Variants in MACROD2 observed in about 807,000 individuals in gnomAD.
MACROD2 encodes the protein ADP-ribose glycohydrolase MACROD2.
In MACROD2, 36 loss-of-function variants were observed where a neutral mutation model predicts 70.4. The ratio of observed to expected loss-of-function variants is 0.51; its 90% CI spans 0.39 to 0.68. The LOEUF is 0.68. Ranked by LOEUF, MACROD2 falls within the 30% of genes least tolerant of loss-of-function variation. The probability of loss-of-function intolerance (pLI) is 0.00; values close to 1 mark genes in which losing one functional copy is unlikely to be tolerated. For synonymous variants in MACROD2, 172 were observed against 178.8 expected (o/e 0.96, Z 0.30); for missense variants, 496 against 538.4 (o/e 0.92, Z 0.78).
At chr20:14,140,565 A>C (rs1361626945) in intron 3 of MACROD2, among the ~76,000 whole-genome samples, 1 of 152,168 alleles carries the variant, frequency 6.6e-6, no homozygotes, top group Non-Finnish European at 1.5e-5. Flanking sequence ...CTGTATTTTT[A>C]ATATACATAT....
chr20:14,802,066 T>C (rs1339617160), intron 5 of MACROD2, among the ~76,000 whole-genome samples: 1 of 151,986 alleles, frequency 6.6e-6, no homozygotes, highest in Non-Finnish European at 1.5e-5. Context: ...TTACAGAACT[T>C]GAGTGTGGCT....
chr20:15,994,438 A>G (rs1488735798), intron 15 of MACROD2, among the ~76,000 whole-genome samples: 1 of 152,212 alleles, frequency 6.6e-6, no homozygotes, highest in African/African-American at 2.4e-5. Flanking sequence ...GAACGTTTTC[A>G]TATATCACTC....
At chr20:15,521,803 A>C (rs2047656657) in intron 8 of MACROD2, among the ~76,000 whole-genome samples, 1 of 152,238 alleles carries the variant, frequency 6.6e-6, no homozygotes, top group African/African-American at 2.4e-5. Context: ...TTTTCAATTT[A>C]CAAATAGTGA....
intron 3 of MACROD2, among the ~76,000 whole-genome samples, chr20:14,489,079 T>C (rs527432251): frequency 7.9e-5 from 12 of 152,352 alleles, no homozygotes; most frequent in Admixed American, 5.2e-4. Context: ...ATCAGTCTTT[T>C]CTTCAAATTC....
intron 8 of MACROD2, among the ~76,000 whole-genome samples, chr20:15,501,805 T>A (rs1010691411): frequency 6.6e-6 from 1 of 152,340 alleles, no homozygotes; most frequent in East Asian, 1.9e-4. Flanking sequence ...AGGTCTTAGA[T>A]AAAAGCTAAA....
At chr20:14,447,379 A>C (rs1320434111) in intron 3 of MACROD2, among the ~76,000 whole-genome samples, 2 of 152,180 alleles carry the variant, frequency 1.3e-5, no homozygotes, top group East Asian at 3.8e-4. Flanking sequence ...AGTGTATTCA[A>C]AAGTCAGGTT....
chr20:14,723,496 T>A (rs1027270268), intron 5 of MACROD2, among the ~76,000 whole-genome samples: 12 of 150,982 alleles, frequency 7.9e-5, no homozygotes, highest in Non-Finnish European at 1.3e-4. Context: ...GATTTGGTAT[T>A]TTTTTTATCC....
At chr20:14,394,416 C>A (rs1447224683) in intron 3 of MACROD2, among the ~76,000 whole-genome samples, 1 of 152,180 alleles carries the variant, frequency 6.6e-6, no homozygotes, top group African/African-American at 2.4e-5. Flanking sequence ...CTGCTTGTTG[C>A]TAGCATGTAG....
At chr20:15,506,626 T>G (rs1429895303) in intron 8 of MACROD2, among the ~76,000 whole-genome samples, 2 of 152,250 alleles carry the variant, frequency 1.3e-5, no homozygotes, top group Non-Finnish European at 2.9e-5. Context: ...GTCTCTGACA[T>G]GAAACGCCTT....
intron 7 of MACROD2, among the ~76,000 whole-genome samples, chr20:15,483,299 A>G (rs959913508): frequency 1.3e-5 from 2 of 152,132 alleles, no homozygotes; most frequent in African/African-American, 4.8e-5. Context: ...GTTCCAGCCC[A>G]GTTTGTTGAA....
intron 3 of MACROD2, among the ~76,000 whole-genome samples, chr20:14,245,627 A>G (rs1466932417): frequency 6.6e-6 from 1 of 152,166 alleles, no homozygotes; most frequent in East Asian, 1.9e-4. Flanking sequence ...CATTTCAAAG[A>G]GCAGAATTAA....
chr20:14,800,263 A>G (rs1316408920), intron 5 of MACROD2, among the ~76,000 whole-genome samples: 1 of 152,104 alleles, frequency 6.6e-6, no homozygotes, highest in Non-Finnish European at 1.5e-5. Context: ...TCCAAAAGGA[A>G]TTCTATGTCT....
At chr20:15,606,537 G>A (rs2048895638) in intron 8 of MACROD2, among the ~76,000 whole-genome samples, 1 of 152,128 alleles carries the variant, frequency 6.6e-6, no homozygotes, top group Non-Finnish European at 1.5e-5. Flanking sequence ...ACATTAAATC[G>A]TATGGTATTT....
chr20:15,383,256 A>G (rs1388878727), intron 6 of MACROD2, among the ~76,000 whole-genome samples: 1 of 152,248 alleles, frequency 6.6e-6, no homozygotes, highest in Non-Finnish European at 1.5e-5. Context: ...GTTTAAGGAT[A>G]TAATTGGTAA....
chr20:15,591,605 A>T (rs1431752199), intron 8 of MACROD2, among the ~76,000 whole-genome samples: 2 of 151,512 alleles, frequency 1.3e-5, no homozygotes, highest in Non-Finnish European at 2.9e-5. Context: ...AAAAAAAAAA[A>T]AAAAAAAAAA....
chr20:14,605,701 C>T (rs1982759190), intron 4 of MACROD2, among the ~76,000 whole-genome samples: 1 of 152,074 alleles, frequency 6.6e-6, no homozygotes. Context: ...TTTAATGGCT[C>T]CTGATTCTTT....
intron 4 of MACROD2, among the ~76,000 whole-genome samples, chr20:14,518,040 G>C (rs1878426268): frequency 6.6e-6 from 1 of 151,712 alleles, no homozygotes; most frequent in Non-Finnish European, 1.5e-5. Context: ...AGTTTACAAT[G>C]GTTACTGGAA....
chr20:15,456,133 T>G (rs1344702924), intron 7 of MACROD2, among the ~76,000 whole-genome samples: 1 of 152,130 alleles, frequency 6.6e-6, no homozygotes, highest in Non-Finnish European at 1.5e-5. Flanking sequence ...TAAAGGCAAA[T>G]ACTGGTAGTC....
At chr20:15,700,953 C>A (rs2050449035) in intron 8 of MACROD2, among the ~76,000 whole-genome samples, 1 of 152,208 alleles carries the variant, frequency 6.6e-6, no homozygotes, top group Admixed American at 6.5e-5. Context: ...GCATTCACCA[C>A]CTGGAGAACC....
Sources: allele counts gnomAD v4.1 joint callset (sites outside exome capture counted in the v4.1 genomes callset), GRCh38; gene constraint gnomAD v4.1.1; transcripts MANE v1.5; gene names NCBI Gene and HGNC (gene_info 2026-07-23, HGNC 2026-07-21).